The following PPP1R2 variants were observed in gnomAD, a reference collection of about 807,000 sequenced individuals.
PPP1R2 encodes the protein protein phosphatase inhibitor 2.
In PPP1R2, 16 loss-of-function variants were observed where a neutral mutation model predicts 29.9. The ratio of observed to expected loss-of-function variants is 0.53; its 90% CI spans 0.36 to 0.81. The LOEUF is 0.81. PPP1R2 is among the 30% of genes least tolerant of loss of function. The pLI, the probability that PPP1R2 is intolerant of heterozygous loss-of-function variation, is 0.00. For missense variants in PPP1R2, 197 were observed against 252.7 expected (o/e 0.78, Z 1.49); for synonymous variants, 76 against 91.5 (o/e 0.83, Z 0.96).
At chr3:195,534,051 C>T (rs549142629) in intron 1 of PPP1R2, among the ~76,000 whole-genome samples, 2 of 152,316 alleles carry the variant, frequency 1.3e-5, no homozygotes, top group Non-Finnish European at 2.9e-5. Flanking sequence ...TGCAATGGCT[C>T]ACACCTGTAA....
At chr3:195,522,564 C>A (rs1718802518) in intron 4 of PPP1R2, among the ~76,000 whole-genome samples, 1 of 152,138 alleles carries the variant, frequency 6.6e-6, no homozygotes, top group Non-Finnish European at 1.5e-5. Flanking sequence ...AAACAAACTC[C>A]AGAAACTATT....
intron 1 of PPP1R2, among the ~76,000 whole-genome samples, chr3:195,540,892 A>G (rs1245728521): frequency 6.6e-6 from 1 of 152,226 alleles, no homozygotes; most frequent in African/African-American, 2.4e-5. Context: ...ACCAACAGAA[A>G]ACAGACTAAG....
chr3:195,528,559 T>G (rs1719060136), intron 2 of PPP1R2, among the ~76,000 whole-genome samples: 1 of 152,158 alleles, frequency 6.6e-6, no homozygotes, highest in Middle Eastern at 3.2e-3. Context: ...TTAACTCTTC[T>G]TTCACTACAG....
rs777462507 is a variant in PPP1R2 at position 195,529,835 on chromosome 3, A to G, written c.189T>C (p.Tyr63=). 6.2e-7 allele frequency: 1 copy of G among 1,611,074 alleles called. No homozygotes were observed. Among genetic ancestry groups the G allele is most frequent in the Admixed American group, 1.7e-5 (1 of 59,410 alleles). The change falls in exon 2 of 6, where the codon TAT becomes TAC. Residue 63 remains tyrosine (Y), a synonymous_variant. Coordinates refer to ENST00000618156, the MANE Select transcript of PPP1R2 (RefSeq NM_006241.8). ...LATYHPADKD[Y]GLMKIDEPST... is the part of the protein sequence containing the mutation. ...TTGGTTCATCTATTTTCATTAAACC[A>G]TAGTCTTTGTCTGCTGGATGATACG... is the stretch of plus-strand genomic sequence containing the variant.
intron 1 of PPP1R2, among the ~76,000 whole-genome samples, chr3:195,539,405 G>A (rs539699702): frequency 3.9e-5 from 6 of 152,270 alleles, no homozygotes; most frequent in South Asian, 4.1e-4. Flanking sequence ...AATGGTACCT[G>A]TAGAAACCAC....
rs1052332828 is a variant in PPP1R2, at chr3:195,516,088, A to C, written c.*808T>G. 5.9e-5 allele frequency: 9 copies of C among 152,422 alleles called. No individual in the cohort carries two copies. The highest frequency in any genetic ancestry group is 2.2e-4 in the African/African-American group (9 of 41,440). The allele number at this position is 152,422 out of a possible 1,614,324, so 9.4% of individuals were successfully genotyped here. A position where few individuals can be genotyped will look rare whatever the true frequency, so the allele number is the denominator to read the frequency against. On this transcript the variant is annotated 3_prime_UTR_variant, in exon 6 of 6. Coordinates refer to ENST00000618156, the MANE Select transcript of PPP1R2 (RefSeq NM_006241.8). Reference sequence around the variant, plus strand: ...GTGGAAAGGAGTAGGAAAGAAAAGCAGGAGGTTAAGACAGGTATTTAAAGG... The same window carrying C: ...GTGGAAAGGAGTAGGAAAGAAAAGCCGGAGGTTAAGACAGGTATTTAAAGG...
chr3:195,536,545 G>A (rs146060479), intron 1 of PPP1R2, among the ~76,000 whole-genome samples: 70 of 151,950 alleles, frequency 4.6e-4, no homozygotes, highest in African/African-American at 1.6e-3. Context: ...AATTAAAAAT[G>A]ACAATTTAGG....
intron 4 of PPP1R2, among the ~76,000 whole-genome samples, chr3:195,522,794 A>G (rs113607685): frequency 1.2e-4 from 19 of 152,322 alleles, no homozygotes; most frequent in African/African-American, 4.3e-4. Context: ...CTACACGACA[A>G]AGATCCTTCG....
intron 4 of PPP1R2, among the ~76,000 whole-genome samples, chr3:195,522,455 C>G (rs1185447390): frequency 2.6e-5 from 4 of 152,210 alleles, no homozygotes; most frequent in Non-Finnish European, 5.9e-5. Flanking sequence ...CTGGTTGACT[C>G]ATGAAATCAC....
intron 3 of PPP1R2, among the ~76,000 whole-genome samples, chr3:195,523,993 T>C (rs1042632024): frequency 2.0e-5 from 3 of 151,342 alleles, no homozygotes; most frequent in African/African-American, 7.3e-5. Context: ...AAGGCCGAGG[T>C]GGGAGCACTA....
intron 1 of PPP1R2, among the ~76,000 whole-genome samples, chr3:195,540,348 G>A (rs564294823): frequency 6.6e-6 from 1 of 152,220 alleles, no homozygotes; most frequent in South Asian, 2.1e-4. Context: ...CATTTTTGTT[G>A]GTGAATCTGG....
At chr3:195,517,060 T>C (rs1718573141) in intron 5 of PPP1R2, 118 bp from the exon 6 acceptor site, 1 of 777,514 alleles carries the variant, frequency 1.3e-6, no homozygotes, top group East Asian at 2.7e-5. Context: ...ACAAATAAGG[T>C]ATATTTCATG....
chr3:195,526,188 C>T (rs921409535), intron 2 of PPP1R2, among the ~76,000 whole-genome samples: 6 of 150,920 alleles, frequency 4.0e-5, no homozygotes, highest in East Asian at 3.9e-4. Flanking sequence ...CTCAATTTCC[C>T]GGGCTCAAGT....
chr3:195,543,303 C>G lies in PPP1R2; in HGVS notation c.-278G>C. 1 of 288,178 alleles carries G rather than the reference C, an allele frequency of 3.5e-6. No individual in the cohort carries two copies. Among genetic ancestry groups the G allele is most frequent in the South Asian group, 7.4e-5 (1 of 13,522 alleles). The allele number at this position is 288,178 out of a possible 1,614,324, so 17.9% of individuals were successfully genotyped here. On this transcript the variant is annotated 5_prime_UTR_variant, in exon 1 of 6. Transcript: ENST00000618156. ...GAGACGCCGGCCTAGAGCTCCAGCG[C>G]AGGAGCGACGCGACGCCGAAGCCAA... is the stretch of plus-strand genomic sequence containing the variant.
intron 2 of PPP1R2, among the ~76,000 whole-genome samples, chr3:195,527,199 C>A (rs990834123): frequency 2.0e-5 from 3 of 151,822 alleles, no homozygotes; most frequent in African/African-American, 7.3e-5. Context: ...GCCTGTAATC[C>A]CACACTTTGG....
In PPP1R2 at chr3:195,523,800, A is replaced by G. The variant is rs1718859239; in HGVS notation, c.309-14T>C. The G allele has an allele frequency of 6.2e-7, 1 of 1,603,766 alleles. No homozygotes were observed. Among genetic ancestry groups the G allele is most frequent in the South Asian group, 1.1e-5 (1 of 90,726 alleles). On this transcript the variant is annotated splice_polypyrimidine_tract_variant and intron_variant, in intron 3 of 5. Transcript: ENST00000618156. ...GCTGCAGCTAATCTATGCAACAATCATGTACAAAGAAATTAACAGTGATGT... is the reference window on the plus strand; with the variant it reads ...GCTGCAGCTAATCTATGCAACAATCGTGTACAAAGAAATTAACAGTGATGT...
At chr3:195,537,715 GTAAATGAAATTTTAAGTTCTAAATATT>G (rs1238767842) in intron 1 of PPP1R2, among the ~76,000 whole-genome samples, 1 of 151,670 alleles carries the variant, frequency 6.6e-6, no homozygotes, top group Non-Finnish European at 1.5e-5. Flanking sequence ...ACTTTCTTCT[GTAAATGAAATTTTAAGTTCTAAATATT>G]CAAAGTCTCA....
Position 195,524,823 on chromosome 3 carries a change from T to C in PPP1R2, c.304A>G (p.Arg102Gly). The change falls in exon 3 of 6, where the codon AGG becomes GGG. Residue 102 changes from arginine to glycine, a missense_variant. Transcript: ENST00000618156. ...GCTCCGGTCATTAGTACTTACTTCC[T>C]GGCTAAGATGTCTGGCGCCATGGCT... is the stretch of plus-strand genomic sequence containing the variant. ...TEAMAPDILARKLAAAEGLEP... is the reference protein window; with the variant it reads ...TEAMAPDILAGKLAAAEGLEP... The C allele has an allele frequency of 1.9e-6, 3 of 1,614,122 alleles. No individual in the cohort carries two copies. Among genetic ancestry groups the C allele is most frequent in the African/African-American group, 1.3e-5 (1 of 75,042 alleles).
At chr3:195,533,587 T>C (rs1363824142) in intron 1 of PPP1R2, among the ~76,000 whole-genome samples, 1 of 152,182 alleles carries the variant, frequency 6.6e-6, no homozygotes, top group African/African-American at 2.4e-5. Flanking sequence ...AGTAGAACGC[T>C]TGATGAGTAC....
Sources: allele counts gnomAD v4.1 joint callset (sites outside exome capture counted in the v4.1 genomes callset), GRCh38; gene constraint gnomAD v4.1.1; transcripts MANE v1.5; gene names NCBI Gene and HGNC (gene_info 2026-07-23, HGNC 2026-07-21).